Variants in RUNX3 observed in about 807,000 individuals in gnomAD.
The protein encoded by RUNX3 is RUNX family transcription factor 3.
A neutral mutation model predicts 27.7 loss-of-function variants in RUNX3; 10 were observed. That is an observed-to-expected ratio of 0.36 (90% CI 0.22 to 0.61). The LOEUF (loss-of-function observed/expected upper bound fraction) is 0.61, where lower values mean the gene tolerates loss of function less well. Among genes scored for constraint, RUNX3 ranks in the 20% least tolerant of loss-of-function variants. The pLI, the probability that RUNX3 is intolerant of heterozygous loss-of-function variation, is 0.72. For missense variants in RUNX3, 469 were observed against 629.5 expected (o/e 0.75, Z 2.73); for synonymous variants, 270 against 269.2 (o/e 1.00, Z -0.03).
At chr1:24,909,127 C>T (rs953308367) in intron 3 of RUNX3, among the ~76,000 whole-genome samples, 1 of 152,198 alleles carries the variant, frequency 6.6e-6, no homozygotes, top group African/African-American at 2.4e-5. Context: ...TGGCCAGGCT[C>T]CCACCCTCCT....
intron 2 of RUNX3, among the ~76,000 whole-genome samples, chr1:24,940,374 A>G (rs1641448939): frequency 6.6e-6 from 1 of 152,210 alleles, no homozygotes; most frequent in Non-Finnish European, 1.5e-5. Context: ...TCCGTGATTC[A>G]GAGCATACCA....
chr1:24,964,982 G>T, exon 1 of RUNX3: 1 of 256,582 alleles, frequency 3.9e-6, no homozygotes, highest in South Asian at 4.3e-5. Flanking sequence ...AGAGTGGGCC[G>T]CCTCCAGTGC....
At chr1:24,913,500 G>C (rs535700261) in intron 3 of RUNX3, among the ~76,000 whole-genome samples, 1 of 152,382 alleles carries the variant, frequency 6.6e-6, no homozygotes, top group East Asian at 1.9e-4. Flanking sequence ...CAGCCCACCA[G>C]GCCTTGGCCT....
At chr1:24,956,102 G>T (rs1224464787) in intron 2 of RUNX3, among the ~76,000 whole-genome samples, 2 of 152,226 alleles carry the variant, frequency 1.3e-5, no homozygotes, top group Non-Finnish European at 2.9e-5. Context: ...GCCCGACAGG[G>T]CAGAGCCAAG....
chr1:24,902,701 C>G lies in RUNX3; in HGVS notation c.704-35G>C, dbSNP rs761029630. 2 of 1,487,328 alleles carry G rather than the reference C, an allele frequency of 1.3e-6. No homozygotes were observed. Among genetic ancestry groups the G allele is most frequent in the African/African-American group, 2.8e-5 (2 of 71,094 alleles). 92.1% of individuals were successfully genotyped at this position (1,487,328 alleles called of 1,614,324 possible). Reference sequence around the variant, plus strand: ...AGCAGGGAAGAGGTCAGTTCCAGCTCGAGACAACCCCAGGAGGGCTTCCTG... The same window carrying G: ...AGCAGGGAAGAGGTCAGTTCCAGCTGGAGACAACCCCAGGAGGGCTTCCTG... On this transcript the variant is annotated intron_variant, in intron 4 of 4. Transcript: ENST00000308873. The surrounding 1 kb of genome is among the most constrained non-coding windows in gnomAD (Gnocchi z 9.2).
rs528280106 is a variant in RUNX3, at chr1:24,943,204, G to A, written c.59-13352C>T. The stretch of plus-strand genomic sequence containing the variant: ...GGGAATGACTTTTCATGTGGTTGTG[G>A]GGCAGGCATGCCACCCAGCACGTGG... On this transcript the variant is annotated intron_variant, in intron 2 of 6. Coordinates refer to the RUNX3 transcript ENST00000338888. This position sits in a 1 kb window ranked among gnomAD's most constrained non-coding sequence, Gnocchi z 4.6. Among the ~76,000 whole-genome samples, 31 of 152,348 alleles carry A rather than the reference G, an allele frequency of 2.0e-4. No individual in the cohort carries two copies. Among genetic ancestry groups the A allele is most frequent in the African/African-American group, 7.5e-4 (31 of 41,596 alleles).
At chr1:24,953,197 T>G (rs1641812153) in intron 2 of RUNX3, among the ~76,000 whole-genome samples, 1 of 151,658 alleles carries the variant, frequency 6.6e-6, no homozygotes, top group African/African-American at 2.4e-5. Context: ...AAACCCCGTC[T>G]CTACTAAAAA....
chr1:24,952,981 T>C (rs966061002), intron 2 of RUNX3, among the ~76,000 whole-genome samples: 1 of 152,212 alleles, frequency 6.6e-6, no homozygotes, highest in African/African-American at 2.4e-5. Context: ...ATTGAATGCT[T>C]TAAAAACTTA....
rs369486083 is a variant in RUNX3 at position 24,902,948 on chromosome 1, T to C, written c.704-282A>G. On this transcript the variant is annotated intron_variant, in intron 4 of 4. Transcript: ENST00000308873. This position sits in a 1 kb window ranked among gnomAD's most constrained non-coding sequence, Gnocchi z 9.2. ...AGAGGAGGGGGTCTATTCTTCTTTT[T>C]AAATCCTCCTTCCCAGCCTCGCAGA... Among the ~76,000 whole-genome samples, 5 of 152,180 alleles carry C rather than the reference T, an allele frequency of 3.3e-5. No homozygotes were observed. Among genetic ancestry groups the C allele is most frequent in the Non-Finnish European group, 5.9e-5 (4 of 68,008 alleles).
intron 4 of RUNX3, among the ~76,000 whole-genome samples, chr1:24,905,407 C>A (rs1640645667): frequency 6.6e-6 from 1 of 152,242 alleles, no homozygotes; most frequent in African/African-American, 2.4e-5. Context: ...TCATCCGAGG[C>A]CCTTTCTCTC....
chr1:24,954,119 G>C (rs747043121), intron 2 of RUNX3, among the ~76,000 whole-genome samples: 9 of 152,366 alleles, frequency 5.9e-5, no homozygotes, highest in Non-Finnish European at 1.2e-4. Context: ...TATCTGCATG[G>C]CCTCACACAT....
At chr1:24,913,463 G>T (rs1355582971) in intron 3 of RUNX3, among the ~76,000 whole-genome samples, 1 of 152,260 alleles carries the variant, frequency 6.6e-6, no homozygotes, top group African/African-American at 2.4e-5. Flanking sequence ...TAACCCCCGA[G>T]GGTCAGGAAA....
chr1:24,914,560 C>T (rs770997108), intron 3 of RUNX3, among the ~76,000 whole-genome samples: 45 of 152,160 alleles, frequency 3.0e-4, no homozygotes, highest in East Asian at 3.9e-4. Context: ...GGCAGGGAGG[C>T]GAGCGGTTCC....
At chr1:24,935,770 C>T (rs1008885602) in intron 2 of RUNX3, among the ~76,000 whole-genome samples, 2 of 152,284 alleles carry the variant, frequency 1.3e-5, no homozygotes, top group Admixed American at 6.5e-5. Flanking sequence ...GAACACCTGC[C>T]GCATGCTGGG....
At chr1:24,937,185 C>T (rs1251132841) in intron 2 of RUNX3, among the ~76,000 whole-genome samples, 4 of 152,208 alleles carry the variant, frequency 2.6e-5, no homozygotes, top group Non-Finnish European at 2.9e-5. Context: ...TTGAGCCACC[C>T]TAGATATCCC....
intron 2 of RUNX3, among the ~76,000 whole-genome samples, chr1:24,949,907 G>A (rs896653913): frequency 1.3e-5 from 2 of 152,200 alleles, no homozygotes; most frequent in African/African-American, 2.4e-5. Context: ...ACCTGTGGGC[G>A]GGGCTTCCAT....
At chr1:24,921,143 C>T (rs1035857963) in intron 2 of RUNX3, among the ~76,000 whole-genome samples, 2 of 152,220 alleles carry the variant, frequency 1.3e-5, no homozygotes, top group Non-Finnish European at 2.9e-5. Context: ...CCTGACACGC[C>T]TCCAAAGTGA....
At chr1:24,905,469 G>A (rs1264928780) in intron 4 of RUNX3, among the ~76,000 whole-genome samples, 1 of 152,228 alleles carries the variant, frequency 6.6e-6, no homozygotes, top group East Asian at 1.9e-4. Flanking sequence ...CTGTGGCCCA[G>A]TGCTGTGGGG....
At chr1:24,936,360 C>T (rs560729843) in intron 2 of RUNX3, among the ~76,000 whole-genome samples, 124 of 152,294 alleles carry the variant, frequency 8.1e-4, no homozygotes, top group Non-Finnish European at 1.3e-3. Context: ...AGGATTCCAA[C>T]GAGGCAGCCT....
Sources: gnomAD v4.1 joint callset for allele counts (sites outside exome capture counted in the v4.1 genomes callset) on GRCh38, gnomAD v4.1.1 for gene constraint, Gnocchi (gnomAD v3.1) non-coding constraint, MANE v1.5 for transcripts, NCBI Gene and HGNC (gene_info 2026-07-23, HGNC 2026-07-21) for gene names.